The following MIOS variants were observed in gnomAD, a reference collection of about 807,000 sequenced individuals.
MIOS encodes the protein GATOR2 complex protein MIOS.
In MIOS, 52 loss-of-function variants were observed where a neutral mutation model predicts 96.9. That is an observed-to-expected ratio of 0.54 (90% CI 0.43 to 0.68). MIOS has a LOEUF of 0.68. Among genes scored for constraint, MIOS ranks in the 30% least tolerant of loss-of-function variants. The pLI is 0.00. For synonymous variants in MIOS, 397 were observed against 359.5 expected, an observed-to-expected ratio of 1.10 and a Z score of -1.18; for missense variants, 1,005 against 1,052.8, an observed-to-expected ratio of 0.95 and a Z score of 0.63.
chr7:7,594,476 C>T (rs974672857), intron 9 of MIOS, among the ~76,000 whole-genome samples: 43 of 152,080 alleles, frequency 2.8e-4, no homozygotes, highest in Non-Finnish European at 2.1e-4. Context: ...TGTATTTTTA[C>T]TAGAGACAGG....
intron 5 of MIOS, among the ~76,000 whole-genome samples, chr7:7,574,674 C>G (rs937485918): frequency 6.6e-6 from 1 of 151,960 alleles, no homozygotes; most frequent in African/African-American, 2.4e-5. Context: ...GGAATTATAC[C>G]TGATATAGTC....
intron 5 of MIOS, 140 bp downstream of exon 5, chr7:7,574,336 AT>A (rs1783457511): frequency 5.1e-6 from 3 of 589,378 alleles, no homozygotes; most frequent in Non-Finnish European, 8.6e-6. Flanking sequence ...TGGATATTTC[AT>A]TGTATTGTTG....
chr7:7,602,614 G>A (rs1234017371), intron 11 of MIOS, among the ~76,000 whole-genome samples: 3 of 152,086 alleles, frequency 2.0e-5, no homozygotes, highest in Non-Finnish European at 4.4e-5. Flanking sequence ...GCTCATGGGT[G>A]GGAAGAATCA....
intron 10 of MIOS, 111 bp from the exon 11 acceptor site, chr7:7,596,141 TATAAA>T (rs996833710): frequency 1.2e-5 from 11 of 882,826 alleles, no homozygotes; most frequent in East Asian, 2.7e-5. Context: ...AATTTTGAAA[TATAAA>T]ATAAAGTTTT....
intron 5 of MIOS, among the ~76,000 whole-genome samples, chr7:7,581,468 T>C (rs1583634296): frequency 1.3e-5 from 2 of 152,192 alleles, no homozygotes; most frequent in South Asian, 4.1e-4. Flanking sequence ...TACTATCTCG[T>C]CATTTCCATG....
rs1341584155 is a variant in MIOS, at chr7:7,574,094, A to G, written c.1295-4A>G. ...TCACTAGTATTTCCTATGCATTTAAATACTTATGAAGCAATACACAGAAGA... is the reference window on the plus strand; with the variant it reads ...TCACTAGTATTTCCTATGCATTTAAGTACTTATGAAGCAATACACAGAAGA... On this transcript the variant is annotated splice_region_variant and splice_polypyrimidine_tract_variant and intron_variant, in intron 4 of 12. Coordinates refer to ENST00000340080, the MANE Select transcript of MIOS (RefSeq NM_019005.4). 4 of 1,587,044 alleles carry G rather than the reference A, an allele frequency of 2.5e-6. No individual in the cohort carries two copies. The highest frequency in any genetic ancestry group is 2.3e-5 in the South Asian group (2 of 87,632).
intron 6 of MIOS, among the ~76,000 whole-genome samples, chr7:7,584,178 T>C (rs1315168033): frequency 1.3e-5 from 2 of 152,166 alleles, no homozygotes; most frequent in Admixed American, 6.5e-5. Context: ...ACTGTAATTT[T>C]TTTTGTAGTC....
In MIOS at chr7:7,595,134, T is replaced by G. The variant is rs1413004269; in HGVS notation, c.2196+2T>G. On this transcript the variant is annotated splice_donor_variant, in intron 10 of 12. Transcript: ENST00000340080. LOFTEE classifies it high-confidence loss of function. ...CCCAGTTCCAAGCCTTTAGCACAAG[T>G]AAGTACATTGTTTTGGAGAAAATCA... 6.2e-7 allele frequency: 1 copy of G among 1,606,228 alleles called. No individual in the cohort carries two copies. Among genetic ancestry groups the G allele is most frequent in the East Asian group, 2.2e-5 (1 of 44,804 alleles).
intron 5 of MIOS, among the ~76,000 whole-genome samples, chr7:7,578,422 G>A (rs1229682673): frequency 6.6e-6 from 1 of 152,186 alleles, no homozygotes; most frequent in East Asian, 1.9e-4. Context: ...CTACTCAGGA[G>A]GTTGAGATAG....
At chr7:7,597,997 A>G (rs149371670) in intron 11 of MIOS, among the ~76,000 whole-genome samples, 216 of 152,292 alleles carry the variant, frequency 1.4e-3, no homozygotes, top group African/African-American at 4.6e-3. Context: ...TATTAAGATT[A>G]TTTTTTATTC....
At chr7:7,593,555 T>A (rs1784109025) in intron 9 of MIOS, among the ~76,000 whole-genome samples, 1 of 152,046 alleles carries the variant, frequency 6.6e-6, no homozygotes, top group African/African-American at 2.4e-5. Context: ...CTCCATTATG[T>A]AAAGTTAAGG....
chr7:7,574,752 A>G (rs1783472553), intron 5 of MIOS, among the ~76,000 whole-genome samples: 1 of 151,906 alleles, frequency 6.6e-6, no homozygotes, highest in South Asian at 2.1e-4. Context: ...GGTATGGTAA[A>G]CTATTAAAGA....
Position 7,607,699 on chromosome 7 carries a change from C to T in MIOS, c.*607C>T, listed in dbSNP as rs1176099604. The T allele has an allele frequency of 6.6e-6, 1 of 151,696 alleles. No homozygotes were observed. Among genetic ancestry groups the T allele is most frequent in the African/African-American group, 2.4e-5 (1 of 41,264 alleles). 9.4% of individuals were successfully genotyped at this position (151,696 alleles called of 1,614,324 possible). A position where few individuals can be genotyped will look rare whatever the true frequency, so the allele number is the denominator to read the frequency against. On this transcript the variant is annotated 3_prime_UTR_variant, in exon 13 of 13. Transcript: ENST00000340080. ...ATGTATTTTTTAAAGGAGCCTTTTC[C>T]CTCCTTTGATTTTAAGATAAGCAAT...
chr7:7,573,473 C>G lies in MIOS; in HGVS notation c.998C>G (p.Thr333Arg). The change falls in exon 4 of 13, where the codon ACA (threonine) becomes AGA (arginine). Residue 333 changes from threonine (T) to arginine (R), a missense_variant. Thr to Arg is a moderately conservative substitution (Grantham distance 71). Transcript: ENST00000340080. This position sits in a 1 kb window ranked among gnomAD's most constrained non-coding sequence, Gnocchi z 5.0. ...ATTGCTTCCTTTGCGTGGCATCCAA[C>G]AAGTCAAAATCGAATGATAGTTGTA... Reference protein sequence around the residue: ...NYIASFAWHPTSQNRMIVVTP... With the variant: ...NYIASFAWHPRSQNRMIVVTP... The G allele has an allele frequency of 2.5e-6, 4 of 1,614,090 alleles. No homozygotes were observed. Among genetic ancestry groups the G allele is most frequent in the Non-Finnish European group, 3.4e-6 (4 of 1,179,964 alleles).
intron 3 of MIOS, among the ~76,000 whole-genome samples, chr7:7,570,723 A>G (rs1025521877): frequency 9.2e-5 from 14 of 152,084 alleles, no homozygotes; most frequent in African/African-American, 3.1e-4. Flanking sequence ...ACAGTTCACA[A>G]TAGGGTTTGC....
In MIOS at chr7:7,596,273, A is replaced by G; in HGVS notation, c.2213A>G (p.Asn738Ser). Residue 738 changes from asparagine to serine, a missense_variant, in exon 11 of 13, where the codon AAT becomes AGT. By Grantham distance (46) the Asn-to-Ser change is conservative. This residue lies in a region of MIOS where 865 missense variants were observed against 887.9 expected (regional missense o/e 0.97). Coordinates refer to ENST00000340080, the MANE Select transcript of MIOS (RefSeq NM_019005.4). ...GTTTTGTAGGTTTTTGTGAGTTGCA[A>G]TTTCTGTGGCAAGTCAATCTCCTAC... Reference protein sequence around the residue: ...KPLAQVFVSCNFCGKSISYSC... With the variant: ...KPLAQVFVSCSFCGKSISYSC... 1 of 1,613,420 alleles carries G rather than the reference A, an allele frequency of 6.2e-7. No individual in the cohort carries two copies. The highest frequency in any genetic ancestry group is 8.5e-7 in the Non-Finnish European group (1 of 1,179,756).
At position 7,607,230 on chromosome 7, in the gene MIOS, G is replaced by T. The variant is rs1357191667; in HGVS notation, c.*138G>T. 8.3e-6 allele frequency: 5 copies of T among 602,654 alleles called. No individual in the cohort carries two copies. The allele number at this position is 602,654 out of a possible 1,614,324, so 37.3% of individuals were successfully genotyped here. On this transcript the variant is annotated 3_prime_UTR_variant, in exon 13 of 13. Coordinates refer to ENST00000340080, the MANE Select transcript of MIOS (RefSeq NM_019005.4). ...AATAAATCATTCTATCAGATCAGCA[G>T]TTTTGATGTTTGAGTGATTTTGATA...
At position 7,583,352 on chromosome 7, in the gene MIOS, A is replaced by G. The variant is rs763468805; in HGVS notation, c.1628A>G (p.Glu543Gly). The G allele has an allele frequency of 6.2e-7, 1 of 1,608,912 alleles. No homozygotes were observed. Among genetic ancestry groups the G allele is most frequent in the Non-Finnish European group, 8.5e-7 (1 of 1,176,746 alleles). Reference protein sequence around the residue: ...DIRRAIQILNEGASSEKGDLN... With the variant: ...DIRRAIQILNGGASSEKGDLN... ...CGCCGAGCAATCCAAATCCTGAATG[A>G]AGGGGCATCTTCTGAAAAAGGTATT... is the stretch of plus-strand genomic sequence containing the variant. Residue 543 changes from glutamate (E) to glycine (G), a missense_variant, in exon 6 of 13, where the codon GAA becomes GGA. Around this residue, in one of 3 missense-constraint regions of MIOS, gnomAD observed 865 missense variants for 887.9 expected, o/e 0.97. Coordinates refer to ENST00000340080, the MANE Select transcript of MIOS (RefSeq NM_019005.4).
chr7:7,575,420 A>T (rs1293931005), intron 5 of MIOS, among the ~76,000 whole-genome samples: 3 of 151,990 alleles, frequency 2.0e-5, no homozygotes, highest in Non-Finnish European at 4.4e-5. Context: ...GCCCTCCACC[A>T]AAAAAAGTAA....
Sources: gnomAD v4.1 joint callset for allele counts (sites outside exome capture counted in the v4.1 genomes callset) on GRCh38, gnomAD v4.1.1 for gene constraint, gnomAD v4.1.1 regional missense constraint, Gnocchi (gnomAD v3.1) non-coding constraint, MANE v1.5 for transcripts, NCBI Gene and HGNC (gene_info 2026-07-23, HGNC 2026-07-21) for gene names.